Variants in TXN observed in about 807,000 individuals in gnomAD.
The protein encoded by TXN is ADF.
In TXN, 10 loss-of-function variants were observed where a neutral mutation model predicts 16.5. The observed-to-expected ratio is 0.61, with a 90% CI of 0.37 to 1.03. The LOEUF is 1.03. TXN is among the 50% of genes least tolerant of loss of function. TXN has a pLI of 0.01. For synonymous variants in TXN, 35 were observed against 39.4 expected (o/e 0.89, Z 0.42); for missense variants, 71 against 122.5 (o/e 0.58, Z 1.98).
chr9:110,251,747 G>A (rs1837741654), intron 1 of TXN, among the ~76,000 whole-genome samples: 1 of 151,960 alleles, frequency 6.6e-6, no homozygotes, highest in South Asian at 2.1e-4. Flanking sequence ...AAAATATTGT[G>A]AACTGGCTAT....
intron 3 of TXN, among the ~76,000 whole-genome samples, chr9:110,249,278 T>C (rs1837697356): frequency 6.6e-6 from 1 of 150,576 alleles, no homozygotes; most frequent in South Asian, 2.1e-4. Context: ...GGATAAGGAT[T>C]TTTCACAAAA....
chr9:110,250,426 C>T (rs766569681), intron 3 of TXN, among the ~76,000 whole-genome samples: 7 of 152,218 alleles, frequency 4.6e-5, no homozygotes, highest in Non-Finnish European at 7.3e-5. Flanking sequence ...AATGCAGGTT[C>T]TCATGCTACT....
Position 110,249,125 on chromosome 9 carries a change from C to CAAAA in TXN, c.189+1691_189+1694dup, listed in dbSNP as rs71302631. On this transcript the variant is annotated intron_variant, in intron 3 of 4. Coordinates refer to ENST00000374517, the MANE Select transcript of TXN (RefSeq NM_003329.4). ...CCAGGTGACAGAGTGAACTCCATCT[C>CAAAA]AAAAAAAAAAAAAAAAAAAAAAAAA... is the stretch of plus-strand genomic sequence containing the variant. Among the ~76,000 whole-genome samples, 83 of 53,832 alleles carry CAAAA rather than the reference C, an allele frequency of 1.5e-3. 3 individuals carry two copies. Among genetic ancestry groups the CAAAA allele is most frequent in the African/African-American group, 3.1e-3 (45 of 14,490 alleles). The allele number at this position is 53,832 out of a possible 152,430, so 35.3% of individuals were successfully genotyped here.
At chr9:110,248,549 A>G (rs966012186) in intron 3 of TXN, among the ~76,000 whole-genome samples, 1 of 152,054 alleles carries the variant, frequency 6.6e-6, no homozygotes, top group South Asian at 2.1e-4. Flanking sequence ...AGTACACTCT[A>G]TGTGTGCACA....
At chr9:110,246,785 G>A (rs1381906394) in intron 3 of TXN, among the ~76,000 whole-genome samples, 1 of 152,092 alleles carries the variant, frequency 6.6e-6, no homozygotes. Flanking sequence ...AGAGGCACAA[G>A]GACAGTAATG....
At chr9:110,250,680 G>C (rs930603916) in intron 3 of TXN, 140 bp downstream of exon 3, 1 of 708,682 alleles carries the variant, frequency 1.4e-6, no homozygotes. Context: ...TAACTTGCCT[G>C]CTCTTCTGAG....
At chr9:110,250,925 A>G (rs1430203688) in intron 2 of TXN, 46 bp from the exon 3 acceptor site, 1 of 1,397,680 alleles carries the variant, frequency 7.2e-7, no homozygotes, top group Non-Finnish European at 1.0e-6. Context: ...AGAACTAGGT[A>G]ATGGCAATCA....
At chr9:110,248,488 C>T (rs538809707) in intron 3 of TXN, among the ~76,000 whole-genome samples, 49 of 152,312 alleles carry the variant, frequency 3.2e-4, no homozygotes, top group Non-Finnish European at 3.4e-4. Context: ...GAGCAACAGG[C>T]TTTACCACAT....
At chr9:110,249,333 A>G (rs1448928376) in intron 3 of TXN, among the ~76,000 whole-genome samples, 1 of 151,682 alleles carries the variant, frequency 6.6e-6, no homozygotes, top group Non-Finnish European at 1.5e-5. Context: ...ACTCTGGGAC[A>G]CATCTAGAAT....
Position 110,244,852 on chromosome 9 carries a change from G to T in TXN, c.190-9C>A, listed in dbSNP as rs72757050. The T allele has an allele frequency of 1.2e-6, 2 of 1,611,714 alleles. No homozygotes were observed. The highest frequency in any genetic ancestry group is 2.2e-5 in the South Asian group (2 of 91,016). On this transcript the variant is annotated splice_polypyrimidine_tract_variant and intron_variant, in intron 3 of 4. Coordinates refer to ENST00000374517, the MANE Select transcript of TXN (RefSeq NM_003329.4). The stretch of plus-strand genomic sequence containing the variant: ...CACTCTGAAGCAACATCCTGGTAGG[G>T]AAAGTAGCAAAGGGAGAGGATTAAA...
chr9:110,252,551 T>C (rs558163110), intron 1 of TXN, among the ~76,000 whole-genome samples: 6 of 152,346 alleles, frequency 3.9e-5, no homozygotes, highest in Admixed American at 1.3e-4. Context: ...GTAGAAATGA[T>C]CAAGAAATCT....
At chr9:110,244,321 G>A (rs915924479) in intron 4 of TXN, 102 bp from the exon 5 acceptor site, 1 of 319,324 alleles carries the variant, frequency 3.1e-6, no homozygotes, top group Non-Finnish European at 5.5e-6. Flanking sequence ...ATATACATAT[G>A]TATATATATA....
intron 3 of TXN, among the ~76,000 whole-genome samples, chr9:110,248,365 T>C (rs546882429): frequency 6.6e-6 from 1 of 152,340 alleles, no homozygotes; most frequent in South Asian, 2.1e-4. Context: ...TAATCTTTCA[T>C]ATCATGTTTT....
At chr9:110,244,299 T>TTATATATATTCATATACATATG in intron 4 of TXN, 80 bp from the exon 5 acceptor site, 1 of 367,000 alleles carries the variant, frequency 2.7e-6, no homozygotes. Context: ...AAATATGTAT[T>TTATATATATTCATATACATATG]TATATATATA....
At chr9:110,248,751 A>G (rs529878165) in intron 3 of TXN, among the ~76,000 whole-genome samples, 1 of 152,232 alleles carries the variant, frequency 6.6e-6, no homozygotes, top group South Asian at 2.1e-4. Flanking sequence ...AAATACTCGT[A>G]TAGTTATCGT....
intron 4 of TXN, 45 bp downstream of exon 4, chr9:110,244,733 G>T: frequency 6.7e-7 from 1 of 1,485,556 alleles, no homozygotes; most frequent in Non-Finnish European, 9.4e-7. Flanking sequence ...CTTATACTGG[G>T]TTTCCTATTG....
Position 110,250,810 on chromosome 9 carries a change from A to G in TXN, c.189+10T>C. 1 of 1,603,992 alleles carries G rather than the reference A, an allele frequency of 6.2e-7. No individual in the cohort carries two copies. Among genetic ancestry groups the G allele is most frequent in the Non-Finnish European group, 8.5e-7 (1 of 1,173,700 alleles). On this transcript the variant is annotated intron_variant, in intron 3 of 4. Transcript: ENST00000374517. The stretch of plus-strand genomic sequence containing the variant: ...AAGCTCAGCAGTATCTCATATTTCC[A>G]GCTACATACCTGACAGTCATCCACA...
rs1469970052 is a variant in TXN, at chr9:110,244,845, T to TGGTA, written c.190-6_190-3dup. The TGGTA allele has an allele frequency of 1.9e-6, 3 of 1,612,490 alleles. No homozygotes were observed. The Admixed American group carries it at 5.0e-5, about 27-fold the overall frequency. On this transcript the variant is annotated splice_polypyrimidine_tract_variant and splice_region_variant and intron_variant, in intron 3 of 4. Coordinates refer to ENST00000374517, the MANE Select transcript of TXN (RefSeq NM_003329.4). ...GACTTCACACTCTGAAGCAACATCCTGGTAGGGAAAGTAGCAAAGGGAGAG... is the reference window on the plus strand; with the variant it reads ...GACTTCACACTCTGAAGCAACATCCTGGTAGGTAGGGAAAGTAGCAAAGGGAGAG...
chr9:110,252,488 A>T (rs4135187), intron 1 of TXN, among the ~76,000 whole-genome samples: 16,950 of 152,100 alleles, frequency 0.11, 1,030 homozygotes, highest in East Asian at 0.22. Context: ...CATGAAGGAA[A>T]TTTTTCATAG....
Sources: gnomAD v4.1 joint callset for allele counts (sites outside exome capture counted in the v4.1 genomes callset) on GRCh38, gnomAD v4.1.1 for gene constraint, MANE v1.5 for transcripts, NCBI Gene and HGNC (gene_info 2026-07-23, HGNC 2026-07-21) for gene names.